NRG1: variants seen among roughly 807,000 people sequenced by gnomAD.
The protein encoded by NRG1 is neuregulin 1, also known as pro-neuregulin-1, membrane-bound isoform.
A neutral mutation model predicts 63.8 loss-of-function variants in NRG1; 18 were observed. That is an observed-to-expected ratio of 0.28 (90% confidence interval 0.19 to 0.42). The LOEUF (loss-of-function observed/expected upper bound fraction) is 0.42, where lower values mean the gene tolerates loss of function less well. NRG1 is among the 10% of genes least tolerant of loss of function. NRG1 has a pLI of 1.00. For synonymous variants in NRG1, 302 were observed against 301.3 expected, an observed-to-expected ratio of 1.00 and a Z score of -0.02; for missense variants, 762 against 814.7, an observed-to-expected ratio of 0.94 and a Z score of 0.79.
intron 1 of NRG1, among the ~76,000 whole-genome samples, chr8:31,991,757 C>T (rs1315018222): frequency 1.8e-4 from 28 of 151,942 alleles, no homozygotes; most frequent in Admixed American, 1.8e-3. Flanking sequence ...TTATTTCTTT[C>T]CTTCTCCCTC....
At chr8:32,661,932 G>C (rs1342197060) in intron 5 of NRG1, among the ~76,000 whole-genome samples, 2 of 152,120 alleles carry the variant, frequency 1.3e-5, no homozygotes, top group Non-Finnish European at 2.9e-5. Context: ...AACACCTAGT[G>C]TTTGATAGAT....
In NRG1 at chr8:32,709,216, A is replaced by G. The variant is rs563351670; in HGVS notation, c.503-18733A>G. Among the ~76,000 whole-genome samples the G allele has an allele frequency of 9.8e-5, 15 of 152,306 alleles. No individual in the cohort carries two copies. In the South Asian group the frequency reaches 1.7e-3, roughly 17 times the overall value. ...ATGTTAATGGTGCATTTGAAACTACAAAGTTCAATATTTTAGTCACGCCTC... is the reference window on the plus strand; with the variant it reads ...ATGTTAATGGTGCATTTGAAACTACGAAGTTCAATATTTTAGTCACGCCTC... On this transcript the variant is annotated intron_variant, in intron 5 of 11. Transcript: ENST00000356819.
chr8:31,792,940 G>A (rs1298671392), intron 1 of NRG1, among the ~76,000 whole-genome samples: 1 of 152,226 alleles, frequency 6.6e-6, no homozygotes, highest in Non-Finnish European at 1.5e-5. Context: ...CCCTACTCAT[G>A]TTTCTAATTC....
intron 1 of NRG1, among the ~76,000 whole-genome samples, chr8:32,493,993 T>A (rs183363945): frequency 3.3e-5 from 5 of 152,370 alleles, no homozygotes; most frequent in African/African-American, 1.2e-4. Flanking sequence ...ATGATTTTTT[T>A]TTCCTTAATA....
intron 1 of NRG1, among the ~76,000 whole-genome samples, chr8:32,377,103 G>T (rs904676690): frequency 3.3e-5 from 5 of 152,136 alleles, no homozygotes; most frequent in Non-Finnish European, 4.4e-5. Context: ...TAACATTAAA[G>T]CAAAATTGAG....
intron 1 of NRG1, among the ~76,000 whole-genome samples, chr8:31,910,031 C>T (rs1832813621): frequency 6.6e-6 from 1 of 152,190 alleles, no homozygotes; most frequent in Admixed American, 6.5e-5. Flanking sequence ...TGATTAATTG[C>T]AGATTGTGAT....
At chr8:32,495,708 C>T (rs1441986745) in intron 1 of NRG1, among the ~76,000 whole-genome samples, 3 of 152,112 alleles carry the variant, frequency 2.0e-5, no homozygotes, top group African/African-American at 4.8e-5. Flanking sequence ...GTGATCCACC[C>T]GCTTCAGCCT....
At chr8:32,254,018 G>C (rs946195141) in intron 1 of NRG1, among the ~76,000 whole-genome samples, 1 of 152,142 alleles carries the variant, frequency 6.6e-6, no homozygotes, top group East Asian at 1.9e-4. Context: ...TTGTATTTCT[G>C]TGGGATCAGT....
intron 1 of NRG1, among the ~76,000 whole-genome samples, chr8:31,671,139 A>ATT (rs35000459): frequency 7.9e-5 from 12 of 151,566 alleles, no homozygotes; most frequent in African/African-American, 2.2e-4. Context: ...CCATGATCTC[A>ATT]TTTTTTTTAA....
chr8:31,722,827 C>A (rs1383455827), intron 1 of NRG1, among the ~76,000 whole-genome samples: 1 of 152,068 alleles, frequency 6.6e-6, no homozygotes, highest in African/African-American at 2.4e-5. Flanking sequence ...ACTCCCATTT[C>A]TTTTTTTATA....
intron 1 of NRG1, among the ~76,000 whole-genome samples, chr8:32,438,396 G>A (rs1318490421): frequency 2.0e-5 from 3 of 152,100 alleles, no homozygotes; most frequent in East Asian, 3.9e-4. Flanking sequence ...TCGCTGCATA[G>A]TATTTCATGC....
At chr8:32,327,896 G>A (rs1802197442) in intron 1 of NRG1, among the ~76,000 whole-genome samples, 1 of 152,214 alleles carries the variant, frequency 6.6e-6, no homozygotes, top group Admixed American at 6.5e-5. Context: ...TAGAAATTTG[G>A]AAGGTTAGAA....
chr8:32,525,759 G>A (rs1472608349), intron 1 of NRG1, among the ~76,000 whole-genome samples: 2 of 152,010 alleles, frequency 1.3e-5, no homozygotes, highest in East Asian at 3.9e-4. Context: ...CTTGGTACTT[G>A]GTGCCTCCAA....
At chr8:32,711,527 A>T (rs1173677963) in intron 5 of NRG1, among the ~76,000 whole-genome samples, 1 of 152,134 alleles carries the variant, frequency 6.6e-6, no homozygotes, top group East Asian at 1.9e-4. Context: ...AATGATTTCT[A>T]CTTCAAAAGA....
At chr8:31,674,144 A>G (rs1448419597) in intron 1 of NRG1, among the ~76,000 whole-genome samples, 1 of 152,184 alleles carries the variant, frequency 6.6e-6, no homozygotes, top group Non-Finnish European at 1.5e-5. Context: ...ATTCTGTTGT[A>G]TGCAGTTACT....
chr8:32,361,732 C>G (rs1234968989), intron 1 of NRG1, among the ~76,000 whole-genome samples: 1 of 152,184 alleles, frequency 6.6e-6, no homozygotes, highest in Non-Finnish European at 1.5e-5. Flanking sequence ...GCTCAAACTT[C>G]CTGTATGGTT....
intron 1 of NRG1, among the ~76,000 whole-genome samples, chr8:32,047,148 A>G (rs753761847): frequency 6.6e-6 from 1 of 151,946 alleles, no homozygotes; most frequent in African/African-American, 2.4e-5. Context: ...AACCTCACCA[A>G]TGCTGATTAT....
intron 1 of NRG1, among the ~76,000 whole-genome samples, chr8:32,377,735 C>T (rs1809804448): frequency 6.6e-6 from 1 of 152,166 alleles, no homozygotes; most frequent in Non-Finnish European, 1.5e-5. Flanking sequence ...AGTATCTGAA[C>T]CAATGTATCC....
At position 32,513,426 on chromosome 8, in the gene NRG1, A is replaced by G. The variant is rs559438145; in HGVS notation, c.38-82402A>G. On this transcript the variant is annotated intron_variant, in intron 1 of 10. Coordinates refer to the NRG1 transcript ENST00000519301. ...ATTTAGCTCTTCCGAAAAAAAAAAA[A>G]AAGTGGTCATGATTTCTCCTATAGT... Among the ~76,000 whole-genome samples the G allele has an allele frequency of 2.0e-5, 3 of 152,194 alleles. No individual in the cohort carries two copies. In the South Asian group the frequency reaches 6.2e-4, roughly 32 times the overall value.
Sources: gnomAD v4.1 joint callset for allele counts (sites outside exome capture counted in the v4.1 genomes callset) on GRCh38, gnomAD v4.1.1 for gene constraint, MANE v1.5 for transcripts, NCBI Gene and HGNC (gene_info 2026-07-23, HGNC 2026-07-21) for gene names.